The following NUDT2 variants were observed in gnomAD, a reference collection of about 807,000 sequenced individuals.
The protein encoded by NUDT2 is nudix hydrolase 2.
A neutral mutation model predicts 14.2 loss-of-function variants in NUDT2; 12 were observed. That is an observed-to-expected ratio of 0.84 (90% CI 0.54 to 1.37). The LOEUF is 1.37. NUDT2 is among the 40% of genes most tolerant of loss of function. NUDT2 has a pLI of 0.00. For missense variants in NUDT2, 167 were observed against 176.7 expected (o/e 0.95, Z 0.31); for synonymous variants, 67 against 67.4 (o/e 0.99, Z 0.03).
At chr9:34,342,126 G>C (rs985719599) in intron 4 of NUDT2, among the ~76,000 whole-genome samples, 21 of 152,188 alleles carry the variant, frequency 1.4e-4, no homozygotes, top group Non-Finnish European at 2.5e-4. Flanking sequence ...TTGGGTTTGG[G>C]TGTTGCTAAC....
chr9:34,343,003 AAC>A lies in NUDT2; in HGVS notation c.128-119_128-118del. ...TGCACTACTGCACTCTGGCCTGGGCAACAGAGTGAGTCCCTGTCTCAAAGCAA... is the reference window on the plus strand; with the variant it reads ...TGCACTACTGCACTCTGGCCTGGGCAAGAGTGAGTCCCTGTCTCAAAGCAA... On this transcript the variant is annotated intron_variant, in intron 4 of 4. Coordinates refer to ENST00000379158, the MANE Select transcript of NUDT2 (RefSeq NM_001161.5). 10 of 875,892 alleles carry A rather than the reference AAC, an allele frequency of 1.1e-5. No homozygotes were observed. The South Asian group carries it at 1.5e-4, about 13-fold the overall frequency. 54.3% of individuals were successfully genotyped at this position (875,892 alleles called of 1,614,324 possible). A position where few individuals can be genotyped will look rare whatever the true frequency, so the allele number is the denominator to read the frequency against.
At chr9:34,330,136 G>A (rs1387254580) in intron 1 of NUDT2, among the ~76,000 whole-genome samples, 1 of 152,246 alleles carries the variant, frequency 6.6e-6, no homozygotes, top group African/African-American at 2.4e-5. Flanking sequence ...GGGTGCGGTG[G>A]CTCACGCCTG....
At chr9:34,332,690 T>G (rs1342583275) in intron 1 of NUDT2, among the ~76,000 whole-genome samples, 1 of 152,158 alleles carries the variant, frequency 6.6e-6, no homozygotes, top group Non-Finnish European at 1.5e-5. Context: ...GTTTCCTCCC[T>G]CAGCCAATAG....
chr9:34,342,635 G>A (rs927155379), intron 4 of NUDT2, among the ~76,000 whole-genome samples: 3 of 152,040 alleles, frequency 2.0e-5, no homozygotes, highest in Non-Finnish European at 4.4e-5. Context: ...CTCAAACCCC[G>A]AGAACTAGAC....
In NUDT2 at chr9:34,343,137, A is replaced by C. The variant is rs774142940; in HGVS notation, c.141A>C (p.Pro47=). ...TCTCCTAACTAGGCCATGTGGAACC[A>C]GGAGAGGATGACTTGGAAACAGCCC... ...HWTPPKGHVE[P]GEDDLETALR... The change falls in exon 5 of 5, where the codon CCA becomes CCC. Residue 47 remains proline (P), a synonymous_variant. Transcript: ENST00000379158. The C allele has an allele frequency of 2.5e-6, 4 of 1,613,054 alleles. No individual in the cohort carries two copies. The highest frequency in any genetic ancestry group is 3.4e-6 in the Non-Finnish European group (4 of 1,179,284).
rs61594121 is a variant in NUDT2 at position 34,338,327 on chromosome 9, T to TAAAAAAAAAAAAAAAAA, written c.-151-372_-151-356dup. ...GGGCAATATAGTGAGACCCTGTCTC[T>TAAAAAAAAAAAAAAAAA]AAAAAAAAAAAAAAAAAAAAAAAAA... is the stretch of plus-strand genomic sequence containing the variant. On this transcript the variant is annotated intron_variant, in intron 2 of 4. Transcript: ENST00000379158. Among the ~76,000 whole-genome samples, 44 of 33,736 alleles carry TAAAAAAAAAAAAAAAAA rather than the reference T, an allele frequency of 1.3e-3. 2 individuals carry two copies. The highest frequency in any genetic ancestry group is 6.9e-3 in the African/African-American group (41 of 5,976). 22.1% of individuals were successfully genotyped at this position (33,736 alleles called of 152,430 possible).
chr9:34,339,088 C>T lies in NUDT2; in HGVS notation c.49C>T (p.Pro17Ser). ...GLIIFRRCLIPKVDNNAIEFL... is the reference protein window; with the variant it reads ...GLIIFRRCLISKVDNNAIEFL... The stretch of plus-strand genomic sequence containing the variant: ...GATCATCTTCCGAAGATGCCTCATT[C>T]CCAAAGTGGACAACAATGCAATTGA... The change falls in exon 4 of 5, where the codon CCC (proline) becomes TCC (serine). Residue 17 changes from proline (P) to serine (S), a missense_variant. Pro to Ser is a moderately conservative substitution (Grantham distance 74). Coordinates refer to ENST00000379158, the MANE Select transcript of NUDT2 (RefSeq NM_001161.5). 6.2e-7 allele frequency: 1 copy of T among 1,614,100 alleles called. No individual in the cohort carries two copies. The highest frequency in any genetic ancestry group is 8.5e-7 in the Non-Finnish European group (1 of 1,179,944).
chr9:34,339,294 T>C (rs936356826), intron 4 of NUDT2, 128 bp downstream of exon 4: 4 of 1,127,708 alleles, frequency 3.5e-6, no homozygotes, highest in Admixed American at 2.3e-5. Context: ...AGGTAGGAGC[T>C]CTTGACCCTT....
chr9:34,340,692 G>A (rs894688906), intron 4 of NUDT2, among the ~76,000 whole-genome samples: 11 of 152,204 alleles, frequency 7.2e-5, no homozygotes, highest in Non-Finnish European at 5.9e-5. Context: ...GGCTGTGTGG[G>A]GAGAAATGGG....
intron 1 of NUDT2, among the ~76,000 whole-genome samples, chr9:34,334,008 T>C (rs1014026978): frequency 2.0e-5 from 3 of 152,206 alleles, no homozygotes; most frequent in Non-Finnish European, 4.4e-5. Flanking sequence ...AGATGCTTAA[T>C]TGACAACGCG....
Position 34,343,344 on chromosome 9 carries a change from G to T in NUDT2, c.348G>T (p.Trp116Cys), listed in dbSNP as rs776419067. The stretch of plus-strand genomic sequence containing the variant: ...CCCATGAGCACCAAGCCTACCGCTG[G>T]CTGGGGCTGGAGGAGGCCTGCCAGT... The part of the protein sequence containing the change: ...RLSHEHQAYR[W>C]LGLEEACQLA... Residue 116 changes from tryptophan (W) to cysteine (C), a missense_variant, in exon 5 of 5, where the codon TGG becomes TGT. Coordinates refer to ENST00000379158, the MANE Select transcript of NUDT2 (RefSeq NM_001161.5). The T allele has an allele frequency of 1.2e-6, 2 of 1,613,836 alleles. No individual in the cohort carries two copies. The highest frequency in any genetic ancestry group is 1.7e-6 in the Non-Finnish European group (2 of 1,180,004).
intron 1 of NUDT2, among the ~76,000 whole-genome samples, chr9:34,332,884 C>T (rs1037336434): frequency 1.4e-4 from 22 of 152,268 alleles, no homozygotes; most frequent in Admixed American, 3.3e-4. Flanking sequence ...CAAGAAAGAG[C>T]TTTACTCATG....
intron 1 of NUDT2, among the ~76,000 whole-genome samples, chr9:34,332,504 T>A (rs1037642474): frequency 6.6e-6 from 1 of 152,202 alleles, no homozygotes; most frequent in Non-Finnish European, 1.5e-5. Flanking sequence ...GTCTGTCGCA[T>A]GGGATACGCA....
At chr9:34,336,188 C>T (rs375753769) in intron 1 of NUDT2, 41 bp from the exon 2 acceptor site, 7 of 152,186 alleles carry the variant, frequency 4.6e-5, no homozygotes, top group African/African-American at 1.7e-4. Flanking sequence ...CAAGGTACCC[C>T]ACATCTATAA....
At chr9:34,337,900 C>T (rs1384435719) in intron 2 of NUDT2, among the ~76,000 whole-genome samples, 3 of 151,838 alleles carry the variant, frequency 2.0e-5, no homozygotes, top group Non-Finnish European at 4.4e-5. Flanking sequence ...TGCAGTGGCC[C>T]GATCTCGGCT....
chr9:34,336,988 A>G (rs1838104975), intron 2 of NUDT2, among the ~76,000 whole-genome samples: 1 of 137,754 alleles, frequency 7.3e-6, no homozygotes, highest in Non-Finnish European at 1.6e-5. Context: ...ACATTGTTAT[A>G]TGTACATCTT....
chr9:34,339,580 C>G (rs117382397), intron 4 of NUDT2, among the ~76,000 whole-genome samples: 3 of 152,160 alleles, frequency 2.0e-5, no homozygotes, highest in African/African-American at 7.2e-5. Context: ...CAGTGGCACA[C>G]GCCTATAATC....
intron 2 of NUDT2, among the ~76,000 whole-genome samples, chr9:34,338,235 A>G (rs1341708507): frequency 6.9e-6 from 1 of 143,938 alleles, no homozygotes; most frequent in Non-Finnish European, 1.5e-5. Context: ...GCTCATGTCT[A>G]TAATCCCAAC....
intron 4 of NUDT2, among the ~76,000 whole-genome samples, chr9:34,341,992 C>T (rs1820203516): frequency 1.3e-5 from 2 of 152,110 alleles, no homozygotes; most frequent in Admixed American, 1.3e-4. Context: ...CCAGACCGTT[C>T]CCAGTCTTTG....
Sources: allele counts gnomAD v4.1 joint callset (sites outside exome capture counted in the v4.1 genomes callset), GRCh38; gene constraint gnomAD v4.1.1; transcripts MANE v1.5; gene names NCBI Gene and HGNC (gene_info 2026-07-23, HGNC 2026-07-21).